The following PKP1 variants were observed in gnomAD, a reference collection of about 807,000 sequenced individuals.
PKP1 encodes plakophilin 1.
In PKP1, 27 loss-of-function variants were observed where a neutral mutation model predicts 76.4. The observed-to-expected ratio is 0.35, with a 90% CI of 0.26 to 0.49. The LOEUF is 0.49. Ranked by LOEUF, PKP1 falls within the 20% of genes least tolerant of loss-of-function variation. The pLI is 0.99. For synonymous variants in PKP1, 404 were observed against 384.2 expected (o/e 1.05, Z -0.60); for missense variants, 964 against 955.2 (o/e 1.01, Z -0.12).
chr1:201,322,037 G>T lies in PKP1; in HGVS notation c.1407G>T (p.Val469=). 1 of 1,613,948 alleles carries T rather than the reference G, an allele frequency of 6.2e-7. No individual in the cohort carries two copies. Among genetic ancestry groups the T allele is most frequent in the Non-Finnish European group, 8.5e-7 (1 of 1,180,002 alleles). The change falls in exon 8 of 14, where the codon GTG becomes GTT. Residue 469 remains valine, a synonymous_variant. Transcript: ENST00000367324. ...TCTCCTACCGCCTGGACGCCGAGGT[G>T]CCCACCCGCTACCGCCAGCTGGAGT... ...HNLSYRLDAE[V]PTRYRQLEYN...
intron 2 of PKP1, among the ~76,000 whole-genome samples, chr1:201,310,262 T>G (rs1456475540): frequency 6.6e-6 from 1 of 152,244 alleles, no homozygotes. Context: ...TTTACTAACA[T>G]TAGTTCACTG....
intron 8 of PKP1, 92 bp from the exon 9 acceptor site, chr1:201,322,921 C>T: frequency 7.2e-7 from 1 of 1,386,594 alleles, no homozygotes; most frequent in African/African-American, 1.4e-5. Flanking sequence ...GGAACCACGA[C>T]CCTGAGGCTG....
In PKP1 at chr1:201,316,677, G is replaced by T. The variant is rs191741262; in HGVS notation, c.826G>T (p.Asp276Tyr). 88 of 1,613,920 alleles carry T rather than the reference G, an allele frequency of 5.5e-5. 1 individual carries two copies. In the Admixed American group the frequency reaches 1.4e-3, roughly 27 times the overall value. ...AYYIQHTCFQ[D>Y]ESAKQQVYQL... ...TTACATCCAGCATACCTGCTTCCAGGATGAATCTGCCAAGCAACAGGTAGC... is the reference window on the plus strand; with the variant it reads ...TTACATCCAGCATACCTGCTTCCAGTATGAATCTGCCAAGCAACAGGTAGC... Residue 276 changes from aspartate to tyrosine, a missense_variant, in exon 4 of 14, where the codon GAT becomes TAT. Physicochemically the swap from Asp to Tyr is radical, Grantham distance 160 (BLOSUM62 -3). Coordinates refer to ENST00000367324, the MANE Select transcript of PKP1 (RefSeq NM_001005337.3).
chr1:201,311,828 C>G (rs832151), intron 2 of PKP1, among the ~76,000 whole-genome samples: 6 of 152,188 alleles, frequency 3.9e-5, no homozygotes, highest in Middle Eastern at 6.8e-3. Context: ...GATGTTGATC[C>G]TCTACTATGA....
At chr1:201,319,902 G>A in intron 6 of PKP1, 5 of 1,613,048 alleles carry the variant, frequency 3.1e-6, no homozygotes, top group Non-Finnish European at 4.2e-6. Flanking sequence ...TGCAGCTGCG[G>A]AGGGACCGTT....
At position 201,293,984 on chromosome 1, in the gene PKP1, C is replaced by A. The variant is rs774859542; in HGVS notation, c.245C>A (p.Thr82Asn). The change falls in exon 2 of 14, where the codon ACC becomes AAC. Residue 82 changes from threonine to asparagine, a missense_variant. Coordinates refer to ENST00000367324, the MANE Select transcript of PKP1 (RefSeq NM_001005337.3). ...TTGGCTGACAATTACAACTATGGGA[C>A]CACCAGCAGGAGCAGCTACTACTCC... is the stretch of plus-strand genomic sequence containing the variant. ...DGLADNYNYG[T>N]TSRSSYYSKF... 18 of 1,613,796 alleles carry A rather than the reference C, an allele frequency of 1.1e-5. No homozygotes were observed. The highest frequency in any genetic ancestry group is 1.4e-5 in the Non-Finnish European group (17 of 1,179,884).
Position 201,320,359 on chromosome 1 carries a change from C to T in PKP1, c.1325C>T (p.Ala442Val), listed in dbSNP as rs10920171. Residue 442 changes from alanine to valine, a missense_variant, in exon 7 of 14, where the codon GCG (alanine) becomes GTG (valine). By Grantham distance (64) the Ala-to-Val change is moderately conservative. Transcript: ENST00000367324. ...SLMAYVQNCVAASRCDDKSVE... is the reference protein window; with the variant it reads ...SLMAYVQNCVVASRCDDKSVE... ...ATGGCCTATGTCCAGAACTGTGTAG[C>T]GGCCAGCCGCTGTGACGACAAGGTG... is the stretch of plus-strand genomic sequence containing the variant. The T allele has an allele frequency of 1.0e-3, 1,611 of 1,612,418 alleles. 17 individuals carry two copies. The African/African-American group carries it at 0.019, about 19-fold the overall frequency.
Position 201,320,134 on chromosome 1 carries a change from C to CGG in PKP1, c.1233-132_1233-131insGG, listed in dbSNP as rs995267124. ...CCACAACTTCCAATCTCCACCCCGT[C>CGG]GTCTCCTCTCTGCCCTCCCCTCTCC... On this transcript the variant is annotated intron_variant, in intron 6 of 13. Transcript: ENST00000367324. 159 of 714,728 alleles carry CGG rather than the reference C, an allele frequency of 2.2e-4. 1 individual carries two copies. Among genetic ancestry groups the CGG allele is most frequent in the South Asian group, 1.0e-3 (65 of 65,198 alleles). The allele number at this position is 714,728 out of a possible 1,614,324, so 44.3% of individuals were successfully genotyped here. A position where few individuals can be genotyped will look rare whatever the true frequency, so the allele number is the denominator to read the frequency against.
In PKP1 at chr1:201,331,740, G is replaced by A. The variant is rs1657331097; in HGVS notation, c.*1699G>A. 6.6e-6 allele frequency: 1 copy of A among 152,424 alleles called. No homozygotes were observed. Among genetic ancestry groups the A allele is most frequent in the Non-Finnish European group, 1.5e-5 (1 of 68,082 alleles). 9.4% of individuals were successfully genotyped at this position (152,424 alleles called of 1,614,324 possible). ...AACTGAGATGGGGGACGCCAGACATGTGAGGACGCTGTCCTCCGAGAGGTG... is the reference window on the plus strand; with the variant it reads ...AACTGAGATGGGGGACGCCAGACATATGAGGACGCTGTCCTCCGAGAGGTG... On this transcript the variant is annotated 3_prime_UTR_variant, in exon 14 of 14. Coordinates refer to ENST00000367324, the MANE Select transcript of PKP1 (RefSeq NM_001005337.3).
At chr1:201,319,978 C>A in intron 6 of PKP1, 1 of 1,281,584 alleles carries the variant, frequency 7.8e-7, no homozygotes, top group Non-Finnish European at 1.1e-6. Flanking sequence ...GAACTGAGTG[C>A]AAATGAGACC....
At chr1:201,296,120 G>C (rs1386591783) in intron 2 of PKP1, among the ~76,000 whole-genome samples, 3 of 152,172 alleles carry the variant, frequency 2.0e-5, no homozygotes, top group Non-Finnish European at 2.9e-5. Flanking sequence ...GGTAGCTGCT[G>C]AGGCACGTCC....
intron 7 of PKP1, 147 bp from the exon 8 acceptor site, chr1:201,321,831 C>G: frequency 1.1e-6 from 1 of 872,392 alleles, no homozygotes; most frequent in Non-Finnish European, 1.8e-6. Flanking sequence ...GGAAGACTTC[C>G]CAGGCTGATA....
intron 7 of PKP1, 44 bp downstream of exon 7, chr1:201,320,425 C>A (rs760300728): frequency 7.7e-7 from 1 of 1,306,784 alleles, no homozygotes; most frequent in African/African-American, 1.5e-5. Flanking sequence ...AGGCCCAGCC[C>A]CCTACATTTT....
intron 1 of PKP1, among the ~76,000 whole-genome samples, chr1:201,291,161 G>T (rs764899382): frequency 2.0e-5 from 3 of 152,096 alleles, no homozygotes; most frequent in African/African-American, 4.8e-5. Flanking sequence ...CACCACCTCC[G>T]CCCCAAATAC....
At position 201,328,751 on chromosome 1, in the gene PKP1, TC is replaced by T; in HGVS notation, c.2107-8del. ...TTTTGTGTCATTTGGTTGCTGTTTCTCCCTTTGCAGCAAGGTTTCGATAGGA... is the reference window on the plus strand; with the variant it reads ...TTTTGTGTCATTTGGTTGCTGTTTCTCCTTTGCAGCAAGGTTTCGATAGGA... On this transcript the variant is annotated splice_polypyrimidine_tract_variant and intron_variant, in intron 12 of 13. Transcript: ENST00000367324. 3.1e-6 allele frequency: 5 copies of T among 1,613,788 alleles called. No homozygotes were observed. Among genetic ancestry groups the T allele is most frequent in the Non-Finnish European group, 4.2e-6 (5 of 1,179,678 alleles).
intron 2 of PKP1, among the ~76,000 whole-genome samples, chr1:201,298,944 A>G (rs1656144975): frequency 6.6e-6 from 1 of 152,188 alleles, no homozygotes; most frequent in Admixed American, 6.5e-5. Context: ...CTGGGGTTGC[A>G]TCACACTCCA....
chr1:201,309,365 G>A (rs1000398278), intron 2 of PKP1, among the ~76,000 whole-genome samples: 4 of 152,020 alleles, frequency 2.6e-5, no homozygotes, highest in African/African-American at 9.7e-5. Context: ...GCTTTTCCTG[G>A]CTCACCTCGG....
intron 1 of PKP1, among the ~76,000 whole-genome samples, chr1:201,292,374 A>T (rs1230189037): frequency 6.6e-6 from 1 of 152,112 alleles, no homozygotes; most frequent in Non-Finnish European, 1.5e-5. Flanking sequence ...AGGTGCCAGA[A>T]CCAGGACAAA....
Position 201,324,471 on chromosome 1 carries a change from G to A in PKP1, c.1724G>A (p.Gly575Asp), listed in dbSNP as rs768107145. ...MSQLIGLKEK[G>D]LPQIARLLQS... is the part of the protein sequence containing the mutation. ...CAGTTGATTGGGCTGAAGGAAAAGG[G>A]CCTGCCACAAATTGCCCGCCTCCTG... Residue 575 changes from glycine to aspartate, a missense_variant, in exon 10 of 14, where the codon GGC (glycine) becomes GAC (aspartate). Physicochemically the swap from Gly to Asp is moderately conservative, Grantham distance 94. Coordinates refer to ENST00000367324, the MANE Select transcript of PKP1 (RefSeq NM_001005337.3). The A allele has an allele frequency of 1.9e-6, 3 of 1,613,302 alleles. No homozygotes were observed. The highest frequency in any genetic ancestry group is 2.7e-5 in the African/African-American group (2 of 74,910).
Sources: allele counts gnomAD v4.1 joint callset (sites outside exome capture counted in the v4.1 genomes callset), GRCh38; gene constraint gnomAD v4.1.1; transcripts MANE v1.5; gene names NCBI Gene and HGNC (gene_info 2026-07-23, HGNC 2026-07-21).